Variants in COL14A1 observed in about 807,000 individuals in gnomAD.
COL14A1 encodes collagen type XIV alpha 1 chain, also known as collagen alpha-1(XIV) chain.
In COL14A1, 136 loss-of-function variants were observed where a neutral mutation model predicts 230.3. The ratio of observed to expected loss-of-function variants is 0.59; its 90% CI spans 0.51 to 0.68. The LOEUF (loss-of-function observed/expected upper bound fraction) is 0.68, where lower values mean the gene tolerates loss of function less well. Among genes scored for constraint, COL14A1 ranks in the 30% least tolerant of loss-of-function variants. The pLI is 0.00. For synonymous variants in COL14A1, 792 were observed against 784.1 expected, an observed-to-expected ratio of 1.01 and a Z score of -0.17; for missense variants, 1,976 against 2,215.8, an observed-to-expected ratio of 0.89 and a Z score of 2.17.
chr8:120,313,720 C>T (rs7009253), intron 37 of COL14A1, among the ~76,000 whole-genome samples: 2,501 of 152,164 alleles, frequency 0.016, 64 homozygotes, highest in African/African-American at 0.056. Context: ...AAAGTTACAG[C>T]GATCCCTGTG....
In COL14A1 at chr8:120,370,850, T is replaced by A. The variant is rs964415817; in HGVS notation, c.5312-302T>A. On this transcript the variant is annotated intron_variant, in intron 47 of 47. Coordinates refer to ENST00000297848, the MANE Select transcript of COL14A1 (RefSeq NM_021110.4). Reference sequence around the variant, plus strand: ...TCTAACATGAGATTTTTTAAAAAAATTTCTATTTCTTTTATAATTTTGCTG... The same window carrying A: ...TCTAACATGAGATTTTTTAAAAAAAATTCTATTTCTTTTATAATTTTGCTG... The A allele has an allele frequency of 3.7e-6, 5 of 1,339,634 alleles. No homozygotes were observed. The African/African-American group carries it at 4.5e-5, about 12-fold the overall frequency. 83.0% of individuals were successfully genotyped at this position (1,339,634 alleles called of 1,614,324 possible).
chr8:120,247,773 TA>T, intron 21 of COL14A1, 38 bp downstream of exon 21: 2 of 1,601,966 alleles, frequency 1.2e-6, no homozygotes, highest in Non-Finnish European at 1.7e-6. Context: ...ATACCATGAG[TA>T]GTCACTTAAA....
chr8:120,243,298 C>A lies in COL14A1; in HGVS notation c.2350-581C>A, dbSNP rs894226902. On this transcript the variant is annotated intron_variant, in intron 19 of 47. Coordinates refer to ENST00000297848, the MANE Select transcript of COL14A1 (RefSeq NM_021110.4). ...GGTGATTCTAGATTGAGGAAGACAA[C>A]TCCTTTCAGAAATAAAAAAGCTGCA... Among the ~76,000 whole-genome samples the A allele has an allele frequency of 2.6e-5, 4 of 152,298 alleles. No individual in the cohort carries two copies. In the East Asian group the frequency reaches 7.7e-4, roughly 29 times the overall value.
chr8:120,192,213 CT>C (rs1400543286), intron 5 of COL14A1, among the ~76,000 whole-genome samples: 2 of 152,108 alleles, frequency 1.3e-5, no homozygotes, highest in African/African-American at 4.8e-5. Flanking sequence ...TTATTGCTTC[CT>C]TCAGGAGCTC....
chr8:120,262,976 A>G lies in COL14A1; in HGVS notation c.2978A>G (p.Glu993Gly). 1 of 1,613,288 alleles carries G rather than the reference A, an allele frequency of 6.2e-7. No homozygotes were observed. Among genetic ancestry groups the G allele is most frequent in the Non-Finnish European group, 8.5e-7 (1 of 1,179,704 alleles). The change falls in exon 24 of 48, where the codon GAG (glutamate) becomes GGG (glycine). Residue 993 changes from glutamate to glycine, a missense_variant. Glu to Gly is a moderately conservative substitution (Grantham distance 98). Around this residue, in one of 3 missense-constraint regions of COL14A1, gnomAD observed 1,791 missense variants for 2,019.5 expected, o/e 0.89. Coordinates refer to ENST00000297848, the MANE Select transcript of COL14A1 (RefSeq NM_021110.4). ...ATCAGTGTTTATACAAAGCTCCAGGAGATTGAAGGACCTAGTGTGAGCATA... is the reference window on the plus strand; with the variant it reads ...ATCAGTGTTTATACAAAGCTCCAGGGGATTGAAGGACCTAGTGTGAGCATA... ...YKISVYTKLQ[E>G]IEGPSVSIME...
At chr8:120,170,177 C>A (rs555763564) in intron 5 of COL14A1, among the ~76,000 whole-genome samples, 3 of 150,376 alleles carry the variant, frequency 2.0e-5, no homozygotes, top group South Asian at 2.1e-4. Context: ...CTCTTGATAT[C>A]TTTTTGTGTT....
chr8:120,307,144 T>C (rs1313258990), intron 36 of COL14A1, among the ~76,000 whole-genome samples: 1 of 152,194 alleles, frequency 6.6e-6, no homozygotes, highest in Non-Finnish European at 1.5e-5. Flanking sequence ...TGGCCAAAAC[T>C]GCTTAACACA....
At chr8:120,370,680 C>A in intron 47 of COL14A1, 1 of 1,439,904 alleles carries the variant, frequency 6.9e-7, no homozygotes, top group Non-Finnish European at 9.3e-7. Context: ...CCCTGTGTGA[C>A]AGCTTCATAA....
chr8:120,252,050 G>A (rs1446143511), intron 22 of COL14A1, among the ~76,000 whole-genome samples: 2 of 151,956 alleles, frequency 1.3e-5, no homozygotes, highest in African/African-American at 2.4e-5. Context: ...TATATTCAAG[G>A]TGTAGATACA....
chr8:120,313,436 G>A (rs1821109485), intron 37 of COL14A1, among the ~76,000 whole-genome samples: 4 of 152,200 alleles, frequency 2.6e-5, no homozygotes, highest in Admixed American at 2.6e-4. Context: ...TGAAGAAGGT[G>A]TAGTGTGGTG....
At chr8:120,337,435 A>T (rs1383044318) in intron 42 of COL14A1, among the ~76,000 whole-genome samples, 1 of 151,722 alleles carries the variant, frequency 6.6e-6, no homozygotes, top group East Asian at 1.9e-4. Context: ...AGAAAAAAGA[A>T]AAAAAAGAAG....
intron 1 of COL14A1, among the ~76,000 whole-genome samples, chr8:120,143,070 T>C (rs887821950): frequency 5.3e-5 from 8 of 152,228 alleles, no homozygotes; most frequent in Non-Finnish European, 1.2e-4. Flanking sequence ...CCACTCATTC[T>C]ATTCACAGAA....
At chr8:120,177,788 T>G (rs759667068) in intron 5 of COL14A1, among the ~76,000 whole-genome samples, 2 of 146,390 alleles carry the variant, frequency 1.4e-5, no homozygotes, top group Non-Finnish European at 3.0e-5. Flanking sequence ...AAAGAAGAGA[T>G]GAAAAGAATG....
intron 33 of COL14A1, among the ~76,000 whole-genome samples, chr8:120,288,392 TGCTTTCA>T (rs1378847577): frequency 6.6e-6 from 1 of 152,186 alleles, no homozygotes; most frequent in Non-Finnish European, 1.5e-5. Context: ...TAAGTCCATG[TGCTTTCA>T]GCTCGTATGC....
Position 120,372,838 on chromosome 8 carries a change from C to T in COL14A1, c.*1607C>T, listed in dbSNP as rs1001931809. Among the ~76,000 whole-genome samples, 6 of 151,826 alleles carry T rather than the reference C, an allele frequency of 4.0e-5. No individual in the cohort carries two copies. Among genetic ancestry groups the T allele is most frequent in the Non-Finnish European group, 7.4e-5 (5 of 67,952 alleles). The stretch of plus-strand genomic sequence containing the variant: ...GGTGGGGTGGGGCAGGGGCGGGGGG[C>T]GGTTCTAAACAAATCAGTTTTTTTG... On this transcript the variant is annotated 3_prime_UTR_variant, in exon 48 of 48. Transcript: ENST00000297848.
chr8:120,336,451 C>T (rs529436071), intron 42 of COL14A1, among the ~76,000 whole-genome samples: 1 of 152,188 alleles, frequency 6.6e-6, no homozygotes, highest in Non-Finnish European at 1.5e-5. Flanking sequence ...TCTCTAGTTC[C>T]ATCACGACTA....
rs539629387 is a variant in COL14A1, at chr8:120,185,597, G to A, written c.437-11194G>A. 6.6e-5 allele frequency among the ~76,000 whole-genome samples: 10 copies of A among 152,206 alleles called. No homozygotes were observed. The South Asian group carries it at 1.7e-3, about 25-fold the overall frequency. ...CGGGATCACTTGAGCCCAGGAATGC[G>A]AGATTGTAGTGAGCTAGTATTGCGC... On this transcript the variant is annotated intron_variant, in intron 5 of 47. Coordinates refer to ENST00000297848, the MANE Select transcript of COL14A1 (RefSeq NM_021110.4).
intron 1 of COL14A1, among the ~76,000 whole-genome samples, chr8:120,127,281 C>T (rs931591473): frequency 1.3e-5 from 2 of 152,234 alleles, no homozygotes; most frequent in African/African-American, 4.8e-5. Context: ...TCCTCTCCTT[C>T]TCCCTGGGGA....
chr8:120,148,299 A>T (rs1038720974), intron 2 of COL14A1, among the ~76,000 whole-genome samples: 1 of 151,762 alleles, frequency 6.6e-6, no homozygotes, highest in Non-Finnish European at 1.5e-5. Flanking sequence ...TGCCTGGATA[A>T]TTTTTGTATT....
Sources: gnomAD v4.1 joint callset for allele counts (sites outside exome capture counted in the v4.1 genomes callset) on GRCh38, gnomAD v4.1.1 for gene constraint, gnomAD v4.1.1 regional missense constraint, MANE v1.5 for transcripts, NCBI Gene and HGNC (gene_info 2026-07-23, HGNC 2026-07-21) for gene names.